Variants in RYR2 observed in about 807,000 individuals in gnomAD.
RYR2 encodes ryanodine receptor 2, also known as cardiac muscle ryanodine receptor-calcium release channel.
In RYR2, 227 loss-of-function variants were observed where a neutral mutation model predicts 601.1. The ratio of observed to expected loss-of-function variants is 0.38; its 90% CI spans 0.34 to 0.42. The LOEUF is 0.42. Ranked by LOEUF, RYR2 falls within the 10% of genes least tolerant of loss-of-function variation. The pLI is 1.00. For synonymous variants in RYR2, 2,223 were observed against 2,175.1 expected, an observed-to-expected ratio of 1.02 and a Z score of -0.61; for missense variants, 4,646 against 6,156.5, an observed-to-expected ratio of 0.75 and a Z score of 8.21.
chr1:237,504,596 A>G (rs1219075357), intron 22 of RYR2, among the ~76,000 whole-genome samples: 2 of 152,210 alleles, frequency 1.3e-5, no homozygotes, highest in Non-Finnish European at 2.9e-5. Context: ...AGGCCTGACA[A>G]TACTTTTAAA....
At chr1:237,617,596 T>A in intron 38 of RYR2, 110 bp downstream of exon 38, 1 of 1,048,626 alleles carries the variant, frequency 9.5e-7, no homozygotes, top group Non-Finnish European at 1.4e-6. Context: ...TTGTTCTGTT[T>A]AAAGTCTTCA....
At chr1:237,510,742 G>A (rs1359087443) in intron 23 of RYR2, among the ~76,000 whole-genome samples, 18 of 152,144 alleles carry the variant, frequency 1.2e-4, no homozygotes, top group Admixed American at 1.2e-3. Context: ...GTGCTGCCAC[G>A]GCGTTAATGC....
rs1457823824 is a variant in RYR2, at chr1:237,106,259, G to A, written c.48+63690G>A. 6.6e-6 allele frequency among the ~76,000 whole-genome samples: 1 copy of A among 152,218 alleles called. No homozygotes were observed. The highest frequency in any genetic ancestry group is 1.5e-5 in the Non-Finnish European group (1 of 68,032). On this transcript the variant is annotated intron_variant, in intron 1 of 104. Coordinates refer to ENST00000366574, the MANE Select transcript of RYR2 (RefSeq NM_001035.3). This position sits in a 1 kb window ranked among gnomAD's most constrained non-coding sequence, Gnocchi z 4.4. ...TGTTCCTGGTAAACAGGGGTGGGCA[G>A]GGAGAACAGCTCCCCTGCACCAGCT...
chr1:237,758,046 C>G (rs559702217), intron 82 of RYR2, among the ~76,000 whole-genome samples: 4 of 152,306 alleles, frequency 2.6e-5, no homozygotes, highest in South Asian at 2.1e-4. Flanking sequence ...ATGAACCACT[C>G]TCTCACCATG....
intron 10 of RYR2, 59 bp from the exon 11 acceptor site, chr1:237,416,990 G>A: frequency 2.0e-6 from 3 of 1,480,524 alleles, no homozygotes; most frequent in Non-Finnish European, 2.8e-6. Flanking sequence ...AAAAATTAGA[G>A]TCCAAAGAAT....
intron 25 of RYR2, among the ~76,000 whole-genome samples, chr1:237,537,425 G>A (rs1013503132): frequency 6.6e-6 from 1 of 152,152 alleles, no homozygotes; most frequent in Non-Finnish European, 1.5e-5. Context: ...CCGGGTTCAA[G>A]CAATTCTCCT....
chr1:237,577,550 TTGAGAG>T (rs1673397101), intron 29 of RYR2, among the ~76,000 whole-genome samples: 1 of 47,516 alleles, frequency 2.1e-5, no homozygotes, highest in African/African-American at 6.4e-5. Context: ...GTGTGTGTGT[TTGAGAG>T]AGAGAGAGAG....
At chr1:237,157,295 C>CAAAAAAAAAAAAAAAAAAAAAAAA (rs33922740) in intron 1 of RYR2, among the ~76,000 whole-genome samples, 2 of 63,510 alleles carry the variant, frequency 3.1e-5, no homozygotes, top group African/African-American at 1.3e-4. Context: ...GACTCCATCT[C>CAAAAAAAAAAAAAAAAAAAAAAAA]AAAAAAAAAA....
At chr1:237,074,125 T>G (rs1437105253) in intron 1 of RYR2, among the ~76,000 whole-genome samples, 4 of 151,968 alleles carry the variant, frequency 2.6e-5, no homozygotes, top group Admixed American at 2.6e-4. Flanking sequence ...GAAACCAGCC[T>G]GAGCAACATA....
chr1:237,539,017 A>G (rs894155734), intron 25 of RYR2, among the ~76,000 whole-genome samples: 3 of 152,224 alleles, frequency 2.0e-5, no homozygotes, highest in African/African-American at 4.8e-5. Context: ...TTAAAGGTCC[A>G]TTCTTCTGAA....
intron 10 of RYR2, among the ~76,000 whole-genome samples, chr1:237,413,877 A>G (rs927539369): frequency 2.0e-5 from 3 of 152,050 alleles, no homozygotes; most frequent in Admixed American, 1.3e-4. Context: ...AAAGTGTTCA[A>G]AGTTTACCTG....
intron 80 of RYR2, among the ~76,000 whole-genome samples, chr1:237,754,378 CA>C (rs1358495814): frequency 6.6e-6 from 1 of 152,166 alleles, no homozygotes. Flanking sequence ...GTTGTTCTGG[CA>C]GGTCTTTAAC....
chr1:237,803,700 C>T (rs891077698), intron 98 of RYR2, among the ~76,000 whole-genome samples: 17 of 152,156 alleles, frequency 1.1e-4, no homozygotes, highest in African/African-American at 3.1e-4. Flanking sequence ...ATCCAGTCTT[C>T]GGTCTACAAT....
chr1:237,824,583 C>G (rs187083967), intron 101 of RYR2, among the ~76,000 whole-genome samples: 46 of 152,082 alleles, frequency 3.0e-4, no homozygotes, highest in African/African-American at 1.1e-3. Context: ...TACTGAATGG[C>G]CAAAAACTGG....
At chr1:237,685,607 G>A (rs2148960495) in intron 62 of RYR2, among the ~76,000 whole-genome samples, 1 of 152,278 alleles carries the variant, frequency 6.6e-6, no homozygotes, top group South Asian at 2.1e-4. Flanking sequence ...TTGGAGTACA[G>A]GGATCCAAAG....
intron 1 of RYR2, among the ~76,000 whole-genome samples, chr1:237,046,871 T>C (rs1220516141): frequency 6.6e-6 from 1 of 152,220 alleles, no homozygotes; most frequent in Non-Finnish European, 1.5e-5. Context: ...TCTGTATGCA[T>C]AGCATGTTAA....
chr1:237,830,475 T>A (rs1663648656), intron 102 of RYR2, 55 bp from the exon 103 acceptor site: 1 of 1,068,630 alleles, frequency 9.4e-7, no homozygotes, highest in Non-Finnish European at 1.5e-6. Flanking sequence ...GAGTTGTGTT[T>A]TCCTTTTGTT....
chr1:237,249,000 G>C (rs565940300), intron 1 of RYR2, among the ~76,000 whole-genome samples: 1 of 152,070 alleles, frequency 6.6e-6, no homozygotes, highest in Non-Finnish European at 1.5e-5. Context: ...CCCAATCTCA[G>C]GTGATTCACC....
At chr1:237,516,672 G>T (rs1301652495) in intron 24 of RYR2, among the ~76,000 whole-genome samples, 1 of 152,082 alleles carries the variant, frequency 6.6e-6, no homozygotes, top group Non-Finnish European at 1.5e-5. Context: ...ATAGCTTTAT[G>T]TCCCCTGTAT....
Sources: gnomAD v4.1 joint callset for allele counts (sites outside exome capture counted in the v4.1 genomes callset) on GRCh38, gnomAD v4.1.1 for gene constraint, Gnocchi (gnomAD v3.1) non-coding constraint, MANE v1.5 for transcripts, NCBI Gene and HGNC (gene_info 2026-07-23, HGNC 2026-07-21) for gene names.